NFIA: variants seen among roughly 807,000 people sequenced by gnomAD.
The protein encoded by NFIA is nuclear factor I A.
NFIA carries 8 observed loss-of-function variants against 62.8 expected under a neutral mutation model. The ratio of observed to expected loss-of-function variants is 0.13; its 90% CI spans 0.07 to 0.23. The LOEUF (loss-of-function observed/expected upper bound fraction) is 0.23, where lower values mean the gene tolerates loss of function less well. Among genes scored for constraint, NFIA ranks in the 10% least tolerant of loss-of-function variants. The pLI, the probability that NFIA is intolerant of heterozygous loss-of-function variation, is 1.00. For synonymous variants in NFIA, 235 were observed against 238.1 expected, an observed-to-expected ratio of 0.99 and a Z score of 0.12; for missense variants, 410 against 642.1, an observed-to-expected ratio of 0.64 and a Z score of 3.91.
At chr1:61,392,104 C>T (rs1048760164) in intron 7 of NFIA, among the ~76,000 whole-genome samples, 1 of 152,162 alleles carries the variant, frequency 6.6e-6, no homozygotes, top group Non-Finnish European at 1.5e-5. Flanking sequence ...AACAGAGAAG[C>T]AAGAGGGCTT....
intron 2 of NFIA, among the ~76,000 whole-genome samples, chr1:61,204,173 C>T (rs571398811): frequency 2.0e-5 from 3 of 152,294 alleles, no homozygotes; most frequent in Middle Eastern, 6.8e-3. Flanking sequence ...TTTCCTCTGG[C>T]CCTCTTGAAG....
chr1:61,194,680 G>A (rs1010816511), intron 2 of NFIA, among the ~76,000 whole-genome samples: 1 of 152,158 alleles, frequency 6.6e-6, no homozygotes, highest in Non-Finnish European at 1.5e-5. Context: ...TGCTGGTAAA[G>A]AAGCACCATG....
chr1:61,192,805 A>T (rs1351777919), intron 2 of NFIA, among the ~76,000 whole-genome samples: 1 of 152,096 alleles, frequency 6.6e-6, no homozygotes, highest in Non-Finnish European at 1.5e-5. Flanking sequence ...ACCAAGTGGG[A>T]GGTGGTTTGG....
intron 6 of NFIA, among the ~76,000 whole-genome samples, chr1:61,377,089 G>A (rs1364283906): frequency 2.0e-5 from 3 of 151,960 alleles, no homozygotes; most frequent in African/African-American, 7.2e-5. Context: ...CGGGTATGGT[G>A]GCATGTGCCT....
intron 2 of NFIA, among the ~76,000 whole-genome samples, chr1:61,149,985 A>G (rs1169061041): frequency 1.3e-5 from 2 of 152,108 alleles, no homozygotes; most frequent in African/African-American, 4.8e-5. Context: ...TGTGTCTTCA[A>G]AAAGGTTTTC....
intron 2 of NFIA, among the ~76,000 whole-genome samples, chr1:61,167,071 G>T (rs1649623978): frequency 6.6e-6 from 1 of 152,204 alleles, no homozygotes; most frequent in Non-Finnish European, 1.5e-5. Context: ...AACCCAGGAG[G>T]TGGAGGTTGC....
chr1:61,441,992 A>C (rs1667604885), intron 10 of NFIA, among the ~76,000 whole-genome samples: 1 of 149,846 alleles, frequency 6.7e-6, no homozygotes, highest in African/African-American at 2.5e-5. Flanking sequence ...TGACCTTTGT[A>C]AGCCAAGAAC....
chr1:61,346,669 T>A (rs1213303487), intron 4 of NFIA, among the ~76,000 whole-genome samples: 1 of 152,160 alleles, frequency 6.6e-6, no homozygotes, highest in Non-Finnish European at 1.5e-5. Flanking sequence ...GCTGGGACAC[T>A]TGCATCAATC....
At position 61,303,306 on chromosome 1, in the gene NFIA, T is replaced by A. The variant is rs555164232; in HGVS notation, c.625+25721T>A. On this transcript the variant is annotated intron_variant, in intron 3 of 10. Coordinates refer to ENST00000403491, the MANE Select transcript of NFIA (RefSeq NM_001134673.4). The stretch of plus-strand genomic sequence containing the variant: ...TTGCACAGGATACATCACTGAATAA[T>A]AAAATCCCTGCCCCTCAAGGAGCTT... Among the ~76,000 whole-genome samples, 1,062 of 152,316 alleles carry A rather than the reference T, an allele frequency of 7.0e-3. 4 individuals are homozygous for A. Among genetic ancestry groups the A allele is most frequent in the Non-Finnish European group, 0.011 (765 of 68,030 alleles).
chr1:61,323,751 C>CA (rs1002154320), intron 3 of NFIA, among the ~76,000 whole-genome samples: 1 of 152,128 alleles, frequency 6.6e-6, no homozygotes, highest in Non-Finnish European at 1.5e-5. Context: ...GGTGAGCTAA[C>CA]AAAAATTTAC....
At chr1:61,156,120 C>T (rs12094344) in intron 2 of NFIA, among the ~76,000 whole-genome samples, 34 of 152,248 alleles carry the variant, frequency 2.2e-4, no homozygotes, top group Middle Eastern at 3.4e-3. Context: ...GGCGACAGAG[C>T]GAGACTGTCT....
At chr1:61,288,411 TAAAG>T in intron 3 of NFIA, among the ~76,000 whole-genome samples, 1 of 152,338 alleles carries the variant, frequency 6.6e-6, no homozygotes, top group South Asian at 2.1e-4. Flanking sequence ...TTGAACATGT[TAAAG>T]AAATATAGTG....
intron 7 of NFIA, among the ~76,000 whole-genome samples, chr1:61,402,027 A>ATTT (rs1434694783): frequency 2.2e-5 from 2 of 91,408 alleles, no homozygotes; most frequent in Non-Finnish European, 4.3e-5. Context: ...AGTTTTACTC[A>ATTT]TTTTTCTTTT....
intron 10 of NFIA, among the ~76,000 whole-genome samples, chr1:61,449,800 A>AG (rs1569911435): frequency 6.6e-6 from 1 of 152,248 alleles, no homozygotes; most frequent in African/African-American, 2.4e-5. Flanking sequence ...AGGCAAGAAA[A>AG]ATGATTACAG....
At chr1:61,155,500 C>T (rs929977851) in intron 2 of NFIA, among the ~76,000 whole-genome samples, 3 of 150,304 alleles carry the variant, frequency 2.0e-5, no homozygotes, top group Non-Finnish European at 4.4e-5. Context: ...GGTGAAACCC[C>T]GTCTCTACTA....
At chr1:61,104,163 A>AT (rs1419590522) in intron 2 of NFIA, among the ~76,000 whole-genome samples, 4 of 152,130 alleles carry the variant, frequency 2.6e-5, no homozygotes, top group Non-Finnish European at 4.4e-5. Context: ...AAAGAGCACA[A>AT]TTTTGATTAA....
intron 6 of NFIA, among the ~76,000 whole-genome samples, chr1:61,367,120 C>G (rs1663632397): frequency 6.6e-6 from 1 of 152,174 alleles, no homozygotes; most frequent in Non-Finnish European, 1.5e-5. Context: ...ATTTTGCAGA[C>G]TTATGTTAGT....
intron 7 of NFIA, among the ~76,000 whole-genome samples, chr1:61,388,737 G>C (rs1033954286): frequency 1.1e-4 from 16 of 152,300 alleles, no homozygotes; most frequent in African/African-American, 3.8e-4. Flanking sequence ...CAGTATCAGT[G>C]AAGATTGTTT....
chr1:61,154,618 T>C (rs547050600), intron 2 of NFIA, among the ~76,000 whole-genome samples: 10 of 152,258 alleles, frequency 6.6e-5, no homozygotes, highest in African/African-American at 2.4e-4. Flanking sequence ...GCCTGGCTAA[T>C]TTTTTTGTAT....
Sources: allele counts gnomAD v4.1 joint callset (sites outside exome capture counted in the v4.1 genomes callset), GRCh38; gene constraint gnomAD v4.1.1; transcripts MANE v1.5; gene names NCBI Gene and HGNC (gene_info 2026-07-23, HGNC 2026-07-21).